Variants in ARHGEF26 observed in about 807,000 individuals in gnomAD.
The protein encoded by ARHGEF26 is Rho guanine nucleotide exchange factor 26.
In ARHGEF26, 59 loss-of-function variants were observed where a neutral mutation model predicts 89.4. That is an observed-to-expected ratio of 0.66 (90% CI 0.54 to 0.82). The LOEUF is 0.82. Among genes scored for constraint, ARHGEF26 ranks in the 40% least tolerant of loss-of-function variants. ARHGEF26 has a pLI of 0.00. For synonymous variants in ARHGEF26, 500 were observed against 428.4 expected, an observed-to-expected ratio of 1.17 and a Z score of -2.06; for missense variants, 1,234 against 1,085.6, an observed-to-expected ratio of 1.14 and a Z score of -1.92.
chr3:154,130,944 C>A (rs1012334615), intron 4 of ARHGEF26, among the ~76,000 whole-genome samples: 2 of 152,110 alleles, frequency 1.3e-5, no homozygotes, highest in Non-Finnish European at 2.9e-5. Context: ...TGGGAGACAA[C>A]TTCTGCTTCA....
chr3:154,222,525 CT>C (rs2108255576), intron 10 of ARHGEF26, among the ~76,000 whole-genome samples: 2 of 152,326 alleles, frequency 1.3e-5, no homozygotes, highest in South Asian at 4.1e-4. Flanking sequence ...GATGATAGTA[CT>C]TTCCCTCATG....
intron 8 of ARHGEF26, among the ~76,000 whole-genome samples, chr3:154,192,846 A>G (rs1714034955): frequency 6.6e-6 from 1 of 152,220 alleles, no homozygotes; most frequent in African/African-American, 2.4e-5. Flanking sequence ...GAATTGAAAT[A>G]AAAGAACAAA....
chr3:154,162,436 C>G (rs1338041813), intron 6 of ARHGEF26, among the ~76,000 whole-genome samples: 1 of 152,076 alleles, frequency 6.6e-6, no homozygotes, highest in Non-Finnish European at 1.5e-5. Flanking sequence ...TTTTGTGTTT[C>G]TCCAAAAACT....
intron 9 of ARHGEF26, among the ~76,000 whole-genome samples, chr3:154,204,133 C>G (rs1714848376): frequency 6.6e-6 from 1 of 151,930 alleles, no homozygotes; most frequent in South Asian, 2.1e-4. Context: ...TCAGGCTTTG[C>G]TTTACTGGGA....
chr3:154,153,683 A>G (rs1720157438), intron 6 of ARHGEF26, among the ~76,000 whole-genome samples: 1 of 152,138 alleles, frequency 6.6e-6, no homozygotes, highest in African/African-American at 2.4e-5. Flanking sequence ...TGCCATTCAT[A>G]TACTGTTCCC....
At chr3:154,181,164 C>G (rs1402682998) in intron 6 of ARHGEF26, among the ~76,000 whole-genome samples, 1 of 152,204 alleles carries the variant, frequency 6.6e-6, no homozygotes, top group Non-Finnish European at 1.5e-5. Flanking sequence ...CCAAATCTTA[C>G]TTACCGGCAG....
chr3:154,225,622 T>A (rs1716434718), intron 10 of ARHGEF26, among the ~76,000 whole-genome samples: 1 of 152,194 alleles, frequency 6.6e-6, no homozygotes, highest in South Asian at 2.1e-4. Flanking sequence ...AGTTTTAGTT[T>A]CATATTGGGA....
intron 10 of ARHGEF26, among the ~76,000 whole-genome samples, chr3:154,221,107 C>T (rs1716097301): frequency 6.6e-6 from 1 of 151,206 alleles, no homozygotes; most frequent in Admixed American, 6.6e-5. Flanking sequence ...CTTGGCCTGT[C>T]TTCCAAAACT....
intron 3 of ARHGEF26, among the ~76,000 whole-genome samples, chr3:154,128,515 A>G (rs899008915): frequency 3.9e-5 from 6 of 152,068 alleles, no homozygotes; most frequent in African/African-American, 1.4e-4. Flanking sequence ...CTGAGATTAC[A>G]AGTGTGAGCC....
rs776899825 is a variant in ARHGEF26, at chr3:154,149,420, G to A, written c.1301G>A (p.Ser434Asn). ...VKRKGLSQTV[S>N]QEERKRQEAI... ...AGAAAGGGATTATCTCAGACAGTAAGCCAGGAGGAAAGAAAGAGACAAGAG... is the reference window on the plus strand; with the variant it reads ...AGAAAGGGATTATCTCAGACAGTAAACCAGGAGGAAAGAAAGAGACAAGAG... The change falls in exon 5 of 15, where the codon AGC becomes AAC. Residue 434 changes from serine to asparagine, a missense_variant. Ser to Asn is a conservative substitution (Grantham distance 46). Coordinates refer to ENST00000465093, the MANE Select transcript of ARHGEF26 (RefSeq NM_015595.4). The A allele has an allele frequency of 3.1e-6, 5 of 1,608,616 alleles. No individual in the cohort carries two copies. Among genetic ancestry groups the A allele is most frequent in the Admixed American group, 1.7e-5 (1 of 59,440 alleles).
chr3:154,186,886 CTTTTTTTTTTTTTTTTT>C (rs201150057), intron 6 of ARHGEF26, among the ~76,000 whole-genome samples: 1 of 82,078 alleles, frequency 1.2e-5, no homozygotes, highest in Non-Finnish European at 2.4e-5. Context: ...TTATTTCAGA[CTTTTTTTTTTTTTTTTT>C]TTTTTTTTTT....
At chr3:154,231,775 T>G (rs1716837382) in intron 11 of ARHGEF26, among the ~76,000 whole-genome samples, 1 of 152,286 alleles carries the variant, frequency 6.6e-6, no homozygotes, top group African/African-American at 2.4e-5. Flanking sequence ...ATAAATGCCT[T>G]TAACTCTATG....
chr3:154,219,358 G>A (rs1167345681), intron 10 of ARHGEF26, among the ~76,000 whole-genome samples: 1 of 152,122 alleles, frequency 6.6e-6, no homozygotes, highest in East Asian at 1.9e-4. Context: ...ACTTTGGGAG[G>A]CCGAGGTGGG....
chr3:154,255,198 C>A, intron 14 of ARHGEF26, 133 bp from the exon 15 acceptor site: 1 of 931,720 alleles, frequency 1.1e-6, no homozygotes, highest in Non-Finnish European at 1.6e-6. Flanking sequence ...GAAAGCTTTC[C>A]CTGTCCCACT....
At chr3:154,244,677 ATAT>A (rs1027241128) in intron 12 of ARHGEF26, among the ~76,000 whole-genome samples, 9 of 151,850 alleles carry the variant, frequency 5.9e-5, no homozygotes, top group South Asian at 2.1e-4. Context: ...ATAAAACAAA[ATAT>A]TATCAATAAC....
chr3:154,233,275 A>G (rs1716921738), intron 11 of ARHGEF26, among the ~76,000 whole-genome samples: 1 of 152,204 alleles, frequency 6.6e-6, no homozygotes, highest in Non-Finnish European at 1.5e-5. Flanking sequence ...ATGGAAATCA[A>G]CCTCAGTCAA....
chr3:154,235,918 T>A (rs546173299), intron 11 of ARHGEF26, among the ~76,000 whole-genome samples: 2 of 152,326 alleles, frequency 1.3e-5, no homozygotes, highest in African/African-American at 4.8e-5. Context: ...ATTTTTAAAA[T>A]GTATGCAAGT....
At chr3:154,183,973 C>A (rs865828861) in intron 6 of ARHGEF26, among the ~76,000 whole-genome samples, 1 of 131,112 alleles carries the variant, frequency 7.6e-6, no homozygotes, top group Non-Finnish European at 1.7e-5. Flanking sequence ...TTTCAATTTT[C>A]TTTCTTTTTT....
chr3:154,193,351 G>T (rs1223861009), intron 8 of ARHGEF26, among the ~76,000 whole-genome samples: 1 of 152,144 alleles, frequency 6.6e-6, no homozygotes, highest in African/African-American at 2.4e-5. Flanking sequence ...CTTACAGTGA[G>T]TCATAGTCAA....
Sources: allele counts gnomAD v4.1 joint callset (sites outside exome capture counted in the v4.1 genomes callset), GRCh38; gene constraint gnomAD v4.1.1; transcripts MANE v1.5; gene names NCBI Gene and HGNC (gene_info 2026-07-23, HGNC 2026-07-21).